Variants in SDCCAG8 observed in about 807,000 individuals in gnomAD.
SDCCAG8 encodes the protein SHH signaling and ciliogenesis regulator SDCCAG8.
Under a neutral mutation model 101.8 loss-of-function variants are expected in SDCCAG8, and 74 were observed. The ratio of observed to expected loss-of-function variants is 0.73; its 90% CI spans 0.60 to 0.88. The LOEUF is 0.88. SDCCAG8 is among the 40% of genes least tolerant of loss of function. SDCCAG8 has a pLI of 0.00. For missense variants in SDCCAG8, 787 were observed against 822.6 expected (o/e 0.96, Z 0.53); for synonymous variants, 281 against 292.9 (o/e 0.96, Z 0.41).
intron 16 of SDCCAG8, among the ~76,000 whole-genome samples, chr1:243,481,245 G>T (rs905543287): frequency 2.6e-5 from 4 of 152,138 alleles, no homozygotes; most frequent in African/African-American, 9.7e-5. Flanking sequence ...GATGGAGGAG[G>T]AAGAGGGACC....
intron 17 of SDCCAG8, among the ~76,000 whole-genome samples, chr1:243,496,327 C>T (rs933551020): frequency 6.6e-6 from 1 of 152,188 alleles, no homozygotes; most frequent in African/African-American, 2.4e-5. Context: ...GTGCCCAGAA[C>T]ACGAGGCGGA....
chr1:243,382,996 T>C (rs926260928), intron 13 of SDCCAG8, among the ~76,000 whole-genome samples: 4 of 152,166 alleles, frequency 2.6e-5, no homozygotes, highest in African/African-American at 7.2e-5. Context: ...AGATGTCCAA[T>C]GTTGGCTTGG....
chr1:243,337,156 C>T (rs910343683), intron 10 of SDCCAG8, among the ~76,000 whole-genome samples: 4 of 152,082 alleles, frequency 2.6e-5, no homozygotes, highest in Non-Finnish European at 4.4e-5. Flanking sequence ...ACATTTAAAT[C>T]TTCAATTCAT....
At chr1:243,423,441 A>T (rs1465229465) in intron 15 of SDCCAG8, among the ~76,000 whole-genome samples, 1 of 152,106 alleles carries the variant, frequency 6.6e-6, no homozygotes, top group African/African-American at 2.4e-5. Context: ...TTCATTTGAT[A>T]TCTAATGAAC....
At chr1:243,298,134 C>A (rs944125190) in intron 6 of SDCCAG8, among the ~76,000 whole-genome samples, 5 of 151,386 alleles carry the variant, frequency 3.3e-5, no homozygotes, top group African/African-American at 1.2e-4. Context: ...CTGCAACCTC[C>A]ACCTCCCTGG....
rs1353517893 is a variant in SDCCAG8, at chr1:243,309,311, C to T, written c.929+1134C>T. Among the ~76,000 whole-genome samples, 5 of 152,146 alleles carry T rather than the reference C, an allele frequency of 3.3e-5. No homozygotes were observed. The South Asian group carries it at 6.2e-4, about 19-fold the overall frequency. On this transcript the variant is annotated intron_variant, in intron 8 of 17. Transcript: ENST00000366541. ...AATTTTCTCATTTTTAAAATGGTGA[C>T]ATAAGTACCTAACTCATAGAGTTAC...
chr1:243,367,076 CA>C (rs906669341), intron 12 of SDCCAG8, among the ~76,000 whole-genome samples: 1 of 150,952 alleles, frequency 6.6e-6, no homozygotes, highest in Non-Finnish European at 1.5e-5. Flanking sequence ...TCTCAGTTGG[CA>C]AAAAAAACTA....
chr1:243,476,012 A>T (rs1214228676), intron 16 of SDCCAG8: 10 of 985,272 alleles, frequency 1.0e-5, no homozygotes, highest in Non-Finnish European at 1.2e-5. Flanking sequence ...AGGCCTAATC[A>T]CTCTGATCTG....
At chr1:243,291,971 A>C (rs1325887065) in intron 5 of SDCCAG8, among the ~76,000 whole-genome samples, 2 of 152,226 alleles carry the variant, frequency 1.3e-5, no homozygotes, top group African/African-American at 2.4e-5. Flanking sequence ...AATTCAGGGA[A>C]ACACTTTGCT....
intron 3 of SDCCAG8, among the ~76,000 whole-genome samples, chr1:243,272,011 T>C (rs759911678): frequency 8.5e-5 from 13 of 152,176 alleles, no homozygotes; most frequent in Middle Eastern, 3.2e-3. Flanking sequence ...AAGGCTGAGA[T>C]AGATGTGAGT....
chr1:243,494,035 T>G (rs1334796714), intron 17 of SDCCAG8, among the ~76,000 whole-genome samples: 1 of 152,272 alleles, frequency 6.6e-6, no homozygotes, highest in African/African-American at 2.4e-5. Flanking sequence ...CCAGGAGCCC[T>G]GGGGGCCTCG....
At chr1:243,441,453 G>T (rs2082529724) in intron 16 of SDCCAG8, among the ~76,000 whole-genome samples, 1 of 151,852 alleles carries the variant, frequency 6.6e-6, no homozygotes, top group Non-Finnish European at 1.5e-5. Context: ...CTGTTGCTTT[G>T]GTTCTTCATT....
At chr1:243,339,091 C>T (rs1439387515) in intron 10 of SDCCAG8, among the ~76,000 whole-genome samples, 1 of 105,218 alleles carries the variant, frequency 9.5e-6, no homozygotes, top group Non-Finnish European at 2.1e-5. Flanking sequence ...GGGCAGAGGA[C>T]CTCAGAAAGT....
At chr1:243,497,982 T>G (rs1668456282) in intron 17 of SDCCAG8, among the ~76,000 whole-genome samples, 1 of 152,282 alleles carries the variant, frequency 6.6e-6, no homozygotes, top group Non-Finnish European at 1.5e-5. Context: ...GTTGGGTTGT[T>G]TTTCTTTTGA....
At chr1:243,393,504 A>G (rs2078845452) in intron 13 of SDCCAG8, among the ~76,000 whole-genome samples, 1 of 150,030 alleles carries the variant, frequency 6.7e-6, no homozygotes, top group Admixed American at 6.6e-5. Flanking sequence ...ACTTTGTTCA[A>G]AAAGGAAAAT....
chr1:243,286,905 A>G lies in SDCCAG8; in HGVS notation c.546+508A>G, dbSNP rs576666228. On this transcript the variant is annotated intron_variant, in intron 5 of 17. Transcript: ENST00000366541. ...TTAGAAGGTTTTACATAGCTTAATC[A>G]CGTATGTCCTTTATTTCTTTATTGG... Among the ~76,000 whole-genome samples, 4 of 152,320 alleles carry G rather than the reference A, an allele frequency of 2.6e-5. No homozygotes were observed. In the South Asian group the frequency reaches 8.3e-4, roughly 32 times the overall value.
At chr1:243,263,445 G>A (rs73118305) in intron 1 of SDCCAG8, among the ~76,000 whole-genome samples, 6,809 of 152,276 alleles carry the variant, frequency 0.045, 509 homozygotes, top group African/African-American at 0.15. Context: ...GTAATTACAA[G>A]TAAGGATATA....
At chr1:243,496,522 C>A (rs913413276) in intron 17 of SDCCAG8, among the ~76,000 whole-genome samples, 1 of 152,198 alleles carries the variant, frequency 6.6e-6, no homozygotes, top group South Asian at 2.1e-4. Flanking sequence ...ACAGAGACAG[C>A]GTGCCAGTGA....
intron 8 of SDCCAG8, among the ~76,000 whole-genome samples, chr1:243,310,727 C>T (rs2072642439): frequency 6.6e-6 from 1 of 151,978 alleles, no homozygotes; most frequent in African/African-American, 2.4e-5. Flanking sequence ...CTATACATGA[C>T]AAAAGACCAA....
Sources: allele counts gnomAD v4.1 joint callset (sites outside exome capture counted in the v4.1 genomes callset), GRCh38; gene constraint gnomAD v4.1.1; transcripts MANE v1.5; gene names NCBI Gene and HGNC (gene_info 2026-07-23, HGNC 2026-07-21).